NKTR: variants seen among roughly 807,000 people sequenced by gnomAD.
The protein encoded by NKTR is natural killer cell triggering receptor.
In NKTR, 67 loss-of-function variants were observed where a neutral mutation model predicts 156.3. That is an observed-to-expected ratio of 0.43 (90% CI 0.35 to 0.53). The LOEUF (loss-of-function observed/expected upper bound fraction) is 0.53, where lower values mean the gene tolerates loss of function less well. Among genes scored for constraint, NKTR ranks in the 20% least tolerant of loss-of-function variants. The pLI is 0.01. For missense variants in NKTR, 1,604 were observed against 1,730.9 expected (o/e 0.93, Z 1.30); for synonymous variants, 640 against 596.6 (o/e 1.07, Z -1.06).
intron 2 of NKTR, among the ~76,000 whole-genome samples, chr3:42,605,130 T>C (rs1018431460): frequency 6.6e-6 from 1 of 152,228 alleles, no homozygotes; most frequent in Non-Finnish European, 1.5e-5. Context: ...CTAGTAACTT[T>C]CCTGGCTCTG....
chr3:42,627,611 G>T (rs1708507890), intron 6 of NKTR: 1 of 985,032 alleles, frequency 1.0e-6, no homozygotes, highest in Non-Finnish European at 1.2e-6. Flanking sequence ...GATTTATAAG[G>T]CTTAAATACC....
chr3:42,616,273 C>G (rs772570927), intron 2 of NKTR, among the ~76,000 whole-genome samples: 1 of 152,076 alleles, frequency 6.6e-6, no homozygotes, highest in African/African-American at 2.4e-5. Flanking sequence ...TGGAAAAGAT[C>G]TTGTAGAATA....
At chr3:42,601,670 T>G (rs182210523) in intron 2 of NKTR, 1 of 152,232 alleles carries the variant, frequency 6.6e-6, no homozygotes, top group Non-Finnish European at 1.5e-5. Flanking sequence ...GTATTTTTTT[T>G]AAATGAAACA....
At chr3:42,607,301 A>C (rs1706327407) in intron 2 of NKTR, among the ~76,000 whole-genome samples, 1 of 152,210 alleles carries the variant, frequency 6.6e-6, no homozygotes. Flanking sequence ...CAGAAGAATC[A>C]TCATTTTGCA....
rs1190657861 is a variant in NKTR at position 42,601,014 on chromosome 3, C to T, written c.8C>T (p.Ala3Val). 6.3e-6 allele frequency: 10 copies of T among 1,576,510 alleles called. No individual in the cohort carries two copies. In the East Asian group the frequency reaches 9.5e-5, roughly 15 times the overall value. The change falls in exon 2 of 17, where the codon GCG becomes GTG. Residue 3 changes from alanine (A) to valine (V), a missense_variant. Ala to Val is a moderately conservative substitution (Grantham distance 64). Around this residue, in one of 6 missense-constraint regions of NKTR, gnomAD observed 73 missense variants for 90.7 expected, o/e 0.80. Coordinates refer to ENST00000232978, the MANE Select transcript of NKTR (RefSeq NM_005385.4). MGAQDRPQCHFDI... is the reference protein window; with the variant it reads MGVQDRPQCHFDI... ...GCCGCCACCTCGGTCGCGATGGGGGCGCAGGACCGGCCGCAGTGCCACTTC... is the reference window on the plus strand; with the variant it reads ...GCCGCCACCTCGGTCGCGATGGGGGTGCAGGACCGGCCGCAGTGCCACTTC...
rs559366896 is a variant in NKTR, at chr3:42,638,952, C to T, written c.3248C>T (p.Thr1083Ile). Residue 1083 changes from threonine (T) to isoleucine (I), a missense_variant, in exon 13 of 17, where the codon ACT becomes ATT. Physicochemically the swap from Thr to Ile is moderately conservative, Grantham distance 89. This residue lies in a region of NKTR where 1,255 missense variants were observed against 1,243.7 expected (regional missense o/e 1.01). Transcript: ENST00000232978. ...VTVSSDLDQF[T>I]KDDSKLSISP... ...GTTTCATCAGATCTTGATCAGTTTA[C>T]TAAAGATGATAGTAAACTCAGTATT... 48 of 1,613,742 alleles carry T rather than the reference C, an allele frequency of 3.0e-5. No homozygotes were observed. In the South Asian group the frequency reaches 4.8e-4, roughly 16 times the overall value.
intron 2 of NKTR, among the ~76,000 whole-genome samples, chr3:42,604,718 T>G: frequency 7.4e-6 from 1 of 135,990 alleles, no homozygotes; most frequent in South Asian, 2.6e-4. Flanking sequence ...TCTTGCTCTG[T>G]CGCCCAGGCT....
At chr3:42,626,507 G>A (rs1032126894) in intron 6 of NKTR, among the ~76,000 whole-genome samples, 14 of 152,118 alleles carry the variant, frequency 9.2e-5, no homozygotes, top group African/African-American at 2.9e-4. Flanking sequence ...CATCTCTCTT[G>A]CCTTTTTATT....
Position 42,639,046 on chromosome 3 carries a change from T to G in NKTR, c.3342T>G (p.Ser1114Arg). 6.2e-7 allele frequency: 1 copy of G among 1,614,040 alleles called. No individual in the cohort carries two copies. Among genetic ancestry groups the G allele is most frequent in the Non-Finnish European group, 8.5e-7 (1 of 1,179,982 alleles). The change falls in exon 13 of 17, where the codon AGT (serine) becomes AGG (arginine). Residue 1114 changes from serine to arginine, a missense_variant. By Grantham distance (110) the Ser-to-Arg change is moderately radical. Coordinates refer to ENST00000232978, the MANE Select transcript of NKTR (RefSeq NM_005385.4). ...AAAACATTCAGCACGTTGAAGAAAGTGTTCCCAATGGAGTGGAAGATGTGC... is the reference window on the plus strand; with the variant it reads ...AAAACATTCAGCACGTTGAAGAAAGGGTTCCCAATGGAGTGGAAGATGTGC... ...CLQNIQHVEE[S>R]VPNGVEDVLQ... is the part of the protein sequence containing the mutation.
intron 2 of NKTR, among the ~76,000 whole-genome samples, chr3:42,615,803 A>G (rs1240110098): frequency 6.6e-6 from 1 of 152,202 alleles, no homozygotes; most frequent in Non-Finnish European, 1.5e-5. Flanking sequence ...AAATACATTT[A>G]TTATACTGGT....
intron 15 of NKTR, 180 bp from the exon 16 acceptor site, chr3:42,643,722 G>T: frequency 1.5e-6 from 1 of 686,092 alleles, no homozygotes; most frequent in South Asian, 1.6e-5. Flanking sequence ...CTTTAATTAT[G>T]GTAAGTCTCA....
At chr3:42,625,631 C>G (rs936276638) in intron 6 of NKTR, among the ~76,000 whole-genome samples, 1 of 151,842 alleles carries the variant, frequency 6.6e-6, no homozygotes, top group Non-Finnish European at 1.5e-5. Flanking sequence ...CTTTTTCTAC[C>G]CACGTATTCA....
chr3:42,603,376 AAAAAAAAAAC>A (rs1705806698), intron 2 of NKTR, among the ~76,000 whole-genome samples: 1 of 150,720 alleles, frequency 6.6e-6, no homozygotes, highest in Non-Finnish European at 1.5e-5. Context: ...AAAAAAAAAA[AAAAAAAAAAC>A]AGCTTAAGAA....
chr3:42,643,756 C>T (rs779639396), intron 15 of NKTR, 146 bp from the exon 16 acceptor site: 2 of 687,572 alleles, frequency 2.9e-6, no homozygotes, highest in Admixed American at 4.6e-5. Flanking sequence ...TTAAATGTTT[C>T]CAGTACTTGT....
chr3:42,621,118 T>G, intron 5 of NKTR: 1 of 989,254 alleles, frequency 1.0e-6, no homozygotes. Context: ...ATTTTATTAG[T>G]TTTCCCTGAA....
chr3:42,628,727 T>C (rs58868911), intron 6 of NKTR: 138,820 of 978,502 alleles, frequency 0.14, 10,934 homozygotes, highest in African/African-American at 0.3. Context: ...TTTGGCTGGG[T>C]GTGGTGGCTC....
At chr3:42,613,215 A>G (rs1330546597) in intron 2 of NKTR, among the ~76,000 whole-genome samples, 1 of 152,132 alleles carries the variant, frequency 6.6e-6, no homozygotes. Context: ...TCCATGTGTC[A>G]TTCCTAGCCA....
intron 11 of NKTR, 113 bp from the exon 12 acceptor site, chr3:42,635,108 A>C: frequency 5.4e-6 from 4 of 741,416 alleles, no homozygotes. Context: ...TGGTAACTTC[A>C]ATCATTACCT....
chr3:42,635,381 T>C lies in NKTR; in HGVS notation c.1163+15T>C. On this transcript the variant is annotated intron_variant, in intron 12 of 16. Coordinates refer to ENST00000232978, the MANE Select transcript of NKTR (RefSeq NM_005385.4). ...AAAGGAGATAAGTAAGAACTTTGAG[T>C]ATAAGCACAATCCTGTGTCTGTTAT... 1 of 1,595,322 alleles carries C rather than the reference T, an allele frequency of 6.3e-7. No homozygotes were observed. The highest frequency in any genetic ancestry group is 1.1e-5 in the South Asian group (1 of 89,096).
Sources: allele counts gnomAD v4.1 joint callset (sites outside exome capture counted in the v4.1 genomes callset), GRCh38; gene constraint gnomAD v4.1.1; regional missense constraint gnomAD v4.1.1; transcripts MANE v1.5; gene names NCBI Gene and HGNC (gene_info 2026-07-23, HGNC 2026-07-21).